The following OXR1 variants were observed in gnomAD, a reference collection of about 807,000 sequenced individuals.
The protein encoded by OXR1 is oxidation resistance protein 1.
OXR1 carries 41 observed loss-of-function variants against 104.6 expected under a neutral mutation model. The ratio of observed to expected loss-of-function variants is 0.39; its 90% CI spans 0.31 to 0.51. The LOEUF (loss-of-function observed/expected upper bound fraction) is 0.51. Among genes scored for constraint, OXR1 ranks in the 20% least tolerant of loss-of-function variants. The pLI is 0.77. For missense variants in OXR1, 955 were observed against 1,031.9 expected (o/e 0.93, Z 1.02); for synonymous variants, 348 against 348.4 (o/e 1.00, Z 0.01).
chr8:106,526,992 G>A (rs754855628), intron 3 of OXR1, among the ~76,000 whole-genome samples: 21 of 152,188 alleles, frequency 1.4e-4, no homozygotes, highest in Non-Finnish European at 2.6e-4. Flanking sequence ...TTTTGCTCAG[G>A]AAGGCAGGTG....
At chr8:106,724,091 T>A (rs964265061) in intron 11 of OXR1, among the ~76,000 whole-genome samples, 2 of 152,140 alleles carry the variant, frequency 1.3e-5, no homozygotes, top group Non-Finnish European at 2.9e-5. Flanking sequence ...AAATAATAAA[T>A]AGTGAGTAGG....
chr8:106,618,308 C>A, intron 3 of OXR1: 1 of 814,878 alleles, frequency 1.2e-6, no homozygotes, highest in Non-Finnish European at 2.0e-6. Context: ...GGATCTGTGA[C>A]GATGCAGTTG....
At chr8:106,338,451 T>C (rs992338079) in intron 1 of OXR1, among the ~76,000 whole-genome samples, 5 of 151,422 alleles carry the variant, frequency 3.3e-5, no homozygotes, top group African/African-American at 1.2e-4. Flanking sequence ...TAATCCCAGC[T>C]ACTTGGGAGG....
intron 1 of OXR1, among the ~76,000 whole-genome samples, chr8:106,278,559 G>T (rs543844582): frequency 6.6e-6 from 1 of 151,674 alleles, no homozygotes; most frequent in Non-Finnish European, 1.5e-5. Context: ...TAGGGCTGTT[G>T]AATGCAGTCT....
intron 11 of OXR1, among the ~76,000 whole-genome samples, chr8:106,734,410 G>A (rs1834193562): frequency 6.6e-6 from 1 of 152,142 alleles, no homozygotes; most frequent in African/African-American, 2.4e-5. Flanking sequence ...GTAAGTGTAA[G>A]TGGCATTGAT....
intron 10 of OXR1, among the ~76,000 whole-genome samples, chr8:106,711,429 C>T (rs1393443959): frequency 2.0e-5 from 3 of 152,124 alleles, no homozygotes; most frequent in African/African-American, 7.2e-5. Flanking sequence ...CTTTAAACTT[C>T]TATTTCCATA....
At position 106,397,939 on chromosome 8, in the gene OXR1, T is replaced by G. The variant is rs141357330; in HGVS notation, c.23+38303T>G. 2.2e-4 allele frequency among the ~76,000 whole-genome samples: 34 copies of G among 152,232 alleles called. 3 individuals carry two copies. Among genetic ancestry groups the G allele is most frequent in the African/African-American group, 7.5e-4 (31 of 41,558 alleles). On this transcript the variant is annotated intron_variant, in intron 2 of 16. Coordinates refer to ENST00000517566, the MANE Select transcript of OXR1 (RefSeq NM_001198533.2). ...TCCTTCTGAAGGCTGAGGCAGAATC[T>G]CTTTAAGCTCCTTTTCCTAGCTTCC...
intron 3 of OXR1, among the ~76,000 whole-genome samples, chr8:106,593,596 G>A (rs1359786041): frequency 3.3e-5 from 5 of 150,934 alleles, no homozygotes; most frequent in Non-Finnish European, 7.4e-5. Context: ...GGCTAACACG[G>A]TGAAACCCCG....
chr8:106,271,354 CG>C (rs1175774098), intron 1 of OXR1, among the ~76,000 whole-genome samples: 1 of 152,014 alleles, frequency 6.6e-6, no homozygotes, highest in African/African-American at 2.4e-5. Context: ...GGGAGCTGCT[CG>C]GGCTTCCGTT....
intron 3 of OXR1, among the ~76,000 whole-genome samples, chr8:106,622,923 A>G (rs1821845616): frequency 6.6e-6 from 1 of 152,230 alleles, no homozygotes; most frequent in Admixed American, 6.5e-5. Flanking sequence ...TTTGTTGAAT[A>G]TATCCTCAGT....
chr8:106,447,855 TAGA>T, intron 2 of OXR1: 1 of 1,434,950 alleles, frequency 7.0e-7, no homozygotes, highest in Admixed American at 2.6e-5. Flanking sequence ...CTTTTTGCCT[TAGA>T]TGTTGGTCTG....
Position 106,440,877 on chromosome 8 carries a change from C to G in OXR1, c.24-78066C>G, listed in dbSNP as rs564917728. Among the ~76,000 whole-genome samples the G allele has an allele frequency of 4.6e-5, 7 of 152,076 alleles. No homozygotes were observed. In the East Asian group the frequency reaches 1.4e-3, roughly 29 times the overall value. On this transcript the variant is annotated intron_variant, in intron 2 of 16. Transcript: ENST00000517566. ...AGTGTTTTATCACCAATGTGTATTCCTAGGTTAAATGTATAAAAATAATTG... is the reference window on the plus strand; with the variant it reads ...AGTGTTTTATCACCAATGTGTATTCGTAGGTTAAATGTATAAAAATAATTG...
intron 1 of OXR1, among the ~76,000 whole-genome samples, chr8:106,341,910 T>C (rs1480510770): frequency 6.6e-6 from 1 of 151,676 alleles, no homozygotes; most frequent in African/African-American, 2.4e-5. Context: ...AGGGTCTTGC[T>C]CTGTTACCAG....
chr8:106,533,536 T>C (rs1814244230), intron 3 of OXR1, among the ~76,000 whole-genome samples: 1 of 152,176 alleles, frequency 6.6e-6, no homozygotes, highest in Non-Finnish European at 1.5e-5. Context: ...GGATTCATTC[T>C]GTTTAAACAC....
chr8:106,303,248 C>CTTTTTTTTT (rs1164596413), intron 1 of OXR1, among the ~76,000 whole-genome samples: 9 of 92,336 alleles, frequency 9.7e-5, no homozygotes, highest in Admixed American at 2.5e-4. Context: ...TTTTTTCTTT[C>CTTTTTTTTT]TTTTTTTTTT....
Position 106,386,352 on chromosome 8 carries a change from C to T in OXR1, c.23+26716C>T, listed in dbSNP as rs151230646. On this transcript the variant is annotated intron_variant, in intron 2 of 16. Coordinates refer to ENST00000517566, the MANE Select transcript of OXR1 (RefSeq NM_001198533.2). The stretch of plus-strand genomic sequence containing the variant: ...TTTTTCTGATTTTTAAGACAGAAGA[C>T]TCTGAATAGGGTAGAGAGGAGATCC... Among the ~76,000 whole-genome samples the T allele has an allele frequency of 3.5e-4, 54 of 152,276 alleles. No homozygotes were observed. The East Asian group carries it at 0.01, about 29-fold the overall frequency.
At chr8:106,388,774 A>G (rs1275914802) in intron 2 of OXR1, among the ~76,000 whole-genome samples, 3 of 152,112 alleles carry the variant, frequency 2.0e-5, no homozygotes, top group Non-Finnish European at 2.9e-5. Context: ...AAATTCTACC[A>G]TTTTACTATC....
At chr8:106,453,992 A>C (rs1333834816) in intron 2 of OXR1, among the ~76,000 whole-genome samples, 1 of 152,172 alleles carries the variant, frequency 6.6e-6, no homozygotes, top group African/African-American at 2.4e-5. Flanking sequence ...TTATTGAAAA[A>C]CCATTTTTAT....
chr8:106,487,629 G>T (rs1810773413), intron 2 of OXR1, among the ~76,000 whole-genome samples: 1 of 146,216 alleles, frequency 6.8e-6, no homozygotes, highest in Non-Finnish European at 1.5e-5. Flanking sequence ...GTGTCCATGT[G>T]ATCTCATTGT....
Sources: allele counts gnomAD v4.1 joint callset (sites outside exome capture counted in the v4.1 genomes callset), GRCh38; gene constraint gnomAD v4.1.1; transcripts MANE v1.5; gene names NCBI Gene and HGNC (gene_info 2026-07-23, HGNC 2026-07-21).